Variants in NUDT7 observed in about 807,000 individuals in gnomAD.
The protein encoded by NUDT7 is peroxisomal coenzyme A diphosphatase NUDT7.
In NUDT7, 19 loss-of-function variants were observed where a neutral mutation model predicts 13.1. The observed-to-expected ratio is 1.45, with a 90% confidence interval of 1.01 to 2.13. The LOEUF is 2.13. Ranked by LOEUF, NUDT7 falls within the 30% of genes most tolerant of loss-of-function variation. The pLI is 0.00. For synonymous variants in NUDT7, 132 were observed against 109.7 expected, an observed-to-expected ratio of 1.20 and a Z score of -1.27; for missense variants, 360 against 291.7, an observed-to-expected ratio of 1.23 and a Z score of -1.71.
intron 1 of NUDT7, among the ~76,000 whole-genome samples, 163 bp downstream of exon 1, chr16:77,722,780 C>T (rs1370659227): frequency 6.6e-6 from 1 of 152,194 alleles, no homozygotes; most frequent in Non-Finnish European, 1.5e-5. Flanking sequence ...CCCGCAGGGT[C>T]CCCGAACCTT....
Position 77,741,726 on chromosome 16 carries a change from C to T in NUDT7, c.493C>T (p.Arg165Cys), listed in dbSNP as rs541244539. 108 of 1,614,090 alleles carry T rather than the reference C, an allele frequency of 6.7e-5. No individual in the cohort carries two copies. The highest frequency in any genetic ancestry group is 1.6e-4 in the Middle Eastern group (1 of 6,062). ...PQVHDQHYVT[R>C]LGHRFINHIF... The stretch of plus-strand genomic sequence containing the variant: ...GGTCCATGACCAGCATTACGTCACA[C>T]GTCTTGGTCACCGTTTTATTAATCA... Residue 165 changes from arginine to cysteine, a missense_variant, in exon 4 of 4, where the codon CGT (arginine) becomes TGT (cysteine). Coordinates refer to ENST00000268533, the MANE Select transcript of NUDT7 (RefSeq NM_001105663.3).
intron 2 of NUDT7, among the ~76,000 whole-genome samples, chr16:77,728,837 A>G (rs1319907204): frequency 6.6e-6 from 1 of 152,142 alleles, no homozygotes; most frequent in Non-Finnish European, 1.5e-5. Context: ...TCAGGCCTTC[A>G]AAGCCACCCA....
At chr16:77,737,933 G>T (rs1021636208) in intron 3 of NUDT7, among the ~76,000 whole-genome samples, 9 of 152,174 alleles carry the variant, frequency 5.9e-5, no homozygotes, top group South Asian at 2.1e-4. Context: ...TTGAAGATCA[G>T]TGATGCTGAG....
At position 77,725,518 on chromosome 16, in the gene NUDT7, CG is replaced by C. The variant is rs1567426021; in HGVS notation, c.124del (p.Val42SerfsTer23). On this transcript the variant is annotated frameshift_variant, in exon 2 of 4. Transcript: ENST00000268533. LOFTEE classifies it high-confidence loss of function. ...YSHLPYNKYSVLLPLVAKEGK... is the reference protein window; with the variant it reads ...YSHLPYNKYSXLLPLVAKEGK... The stretch of plus-strand genomic sequence containing the variant: ...CTCACTTGCCATATAACAAATACTC[CG>C]TCCTTTTGCCATTGGTGGCTAAAGA... 6.2e-7 allele frequency: 1 copy of C among 1,614,020 alleles called. No homozygotes were observed. The highest frequency in any genetic ancestry group is 1.7e-5 in the Admixed American group (1 of 60,006).
At chr16:77,726,933 A>T (rs148771449) in intron 2 of NUDT7, among the ~76,000 whole-genome samples, 1 of 145,524 alleles carries the variant, frequency 6.9e-6, no homozygotes, top group East Asian at 2.0e-4. Context: ...GAAAGGCCTC[A>T]GGGAGTGTAC....
chr16:77,728,493 T>C (rs1271777658), intron 2 of NUDT7, among the ~76,000 whole-genome samples: 8 of 152,164 alleles, frequency 5.3e-5, no homozygotes, highest in Admixed American at 5.2e-4. Flanking sequence ...CATCTTGGCC[T>C]CCCAAAGTGC....
At chr16:77,727,414 TCTGAGC>T (rs113170573) in intron 2 of NUDT7, among the ~76,000 whole-genome samples, 52,627 of 151,902 alleles carry the variant, frequency 0.35, 10,652 homozygotes, top group African/African-American at 0.58. Context: ...TTGTGTTCGG[TCTGAGC>T]CAGGCAGAAA....
rs183210124 is a variant in NUDT7, at chr16:77,723,493, G to A, written c.35+876G>A. Among the ~76,000 whole-genome samples the A allele has an allele frequency of 2.0e-5, 3 of 152,086 alleles. No homozygotes were observed. The East Asian group carries it at 5.8e-4, about 29-fold the overall frequency. ...TTACCATTCCCTGAGCACCAGCTGT[G>A]TGCCAGCCACAGTATATGAACTGCA... On this transcript the variant is annotated intron_variant, in intron 1 of 3. Coordinates refer to ENST00000268533, the MANE Select transcript of NUDT7 (RefSeq NM_001105663.3).
intron 2 of NUDT7, among the ~76,000 whole-genome samples, chr16:77,730,493 A>G (rs1332560921): frequency 6.6e-6 from 1 of 151,786 alleles, no homozygotes; most frequent in Non-Finnish European, 1.5e-5. Context: ...CTGTATATAC[A>G]TTTTCTTCAT....
chr16:77,735,787 A>C, intron 2 of NUDT7, 41 bp from the exon 3 acceptor site: 2 of 1,574,460 alleles, frequency 1.3e-6, no homozygotes, highest in Non-Finnish European at 1.7e-6. Context: ...TAGTTCCAAA[A>C]TTAGAATCCC....
intron 3 of NUDT7, among the ~76,000 whole-genome samples, chr16:77,737,713 C>A (rs1014960970): frequency 2.0e-5 from 3 of 152,096 alleles, no homozygotes; most frequent in African/African-American, 7.2e-5. Flanking sequence ...TCTCGATCTC[C>A]TGACCTCATG....
chr16:77,730,455 C>A (rs1479152123), intron 2 of NUDT7, among the ~76,000 whole-genome samples: 5 of 152,080 alleles, frequency 3.3e-5, no homozygotes, highest in African/African-American at 1.2e-4. Context: ...GGATTTCCTT[C>A]TTTTTTATGA....
intron 1 of NUDT7, among the ~76,000 whole-genome samples, chr16:77,723,362 C>G (rs1488051171): frequency 2.0e-5 from 3 of 152,016 alleles, no homozygotes; most frequent in African/African-American, 7.3e-5. Context: ...CTGCCGTTAC[C>G]CAACCACATC....
At chr16:77,739,143 T>G (rs2014579837) in intron 3 of NUDT7, among the ~76,000 whole-genome samples, 1 of 152,186 alleles carries the variant, frequency 6.6e-6, no homozygotes, top group Non-Finnish European at 1.5e-5. Flanking sequence ...TGTTACCAGA[T>G]AGGGGGCCTG....
intron 2 of NUDT7, among the ~76,000 whole-genome samples, chr16:77,734,595 G>A (rs8058461): frequency 2.6e-5 from 4 of 151,996 alleles, no homozygotes; most frequent in Non-Finnish European, 5.9e-5. Flanking sequence ...GCACTCCAGC[G>A]TGGGACACAG....
Position 77,722,548 on chromosome 16 carries a change from A to T in NUDT7, c.-35A>T. On this transcript the variant is annotated 5_prime_UTR_variant, in exon 1 of 4. Coordinates refer to ENST00000268533, the MANE Select transcript of NUDT7 (RefSeq NM_001105663.3). ...AAGCGCGACCGACCGAGCAGCTCCG[A>T]GGAGTCCGCCCGGAAACAAACATTC... is the stretch of plus-strand genomic sequence containing the variant. 1.3e-6 allele frequency: 2 copies of T among 1,565,794 alleles called. No individual in the cohort carries two copies. The highest frequency in any genetic ancestry group is 1.7e-4 in the Middle Eastern group (1 of 5,804).
intron 2 of NUDT7, 56 bp downstream of exon 2, chr16:77,725,640 G>A (rs778423176): frequency 2.1e-5 from 33 of 1,547,770 alleles, no homozygotes; most frequent in Non-Finnish European, 2.6e-5. Context: ...AAGACCTCAC[G>A]AGATTTTGTC....
intron 1 of NUDT7, among the ~76,000 whole-genome samples, 154 bp from the exon 2 acceptor site, chr16:77,725,277 T>A (rs1339686865): frequency 1.3e-5 from 2 of 152,192 alleles, no homozygotes; most frequent in Non-Finnish European, 2.9e-5. Context: ...GCAATTTAGA[T>A]AGTATCATTT....
rs376414061 is a variant in NUDT7 at position 77,725,440 on chromosome 16, G to A, written c.45G>A (p.Leu15=). Reference sequence around the variant, plus strand: ...TTTGTTTTTATTTTAGAAACAGTTTGCTAGATGATGCTAAGGCCCGCTTAA... The same window carrying A: ...TTTGTTTTTATTTTAGAAACAGTTTACTAGATGATGCTAAGGCCCGCTTAA... ...GLPEEPVRNS[L]LDDAKARLRK... Residue 15 remains leucine, a synonymous_variant, in exon 2 of 4, where the codon TTG becomes TTA. Coordinates refer to ENST00000268533, the MANE Select transcript of NUDT7 (RefSeq NM_001105663.3). 6 of 1,609,472 alleles carry A rather than the reference G, an allele frequency of 3.7e-6. No homozygotes were observed. The African/African-American group carries it at 6.7e-5, about 18-fold the overall frequency.
Sources: gnomAD v4.1 joint callset for allele counts (sites outside exome capture counted in the v4.1 genomes callset) on GRCh38, gnomAD v4.1.1 for gene constraint, MANE v1.5 for transcripts, NCBI Gene and HGNC (gene_info 2026-07-23, HGNC 2026-07-21) for gene names.